WARS2: variants seen among roughly 807,000 people sequenced by gnomAD.
WARS2 encodes tryptophan--tRNA ligase, mitochondrial.
WARS2 carries 28 observed loss-of-function variants against 36.5 expected under a neutral mutation model. The ratio of observed to expected loss-of-function variants is 0.77; its 90% CI spans 0.57 to 1.05. The LOEUF (loss-of-function observed/expected upper bound fraction) is 1.05, where lower values mean the gene tolerates loss of function less well. WARS2 is among the 50% of genes least tolerant of loss of function. The pLI is 0.00. For synonymous variants in WARS2, 174 were observed against 178.4 expected, an observed-to-expected ratio of 0.98 and a Z score of 0.20; for missense variants, 435 against 456.8, an observed-to-expected ratio of 0.95 and a Z score of 0.44.
chr1:119,047,237 G>A (rs954041611), intron 2 of WARS2, among the ~76,000 whole-genome samples: 2 of 152,182 alleles, frequency 1.3e-5, no homozygotes, highest in African/African-American at 4.8e-5. Flanking sequence ...CCCATTAGAA[G>A]TAATAAAACA....
At chr1:119,081,276 C>T (rs1652173581) in intron 1 of WARS2, among the ~76,000 whole-genome samples, 1 of 152,136 alleles carries the variant, frequency 6.6e-6, no homozygotes. Flanking sequence ...TTAATTATGG[C>T]AAAAGAATTT....
At chr1:119,138,054 T>C (rs2101587874) in intron 1 of WARS2, among the ~76,000 whole-genome samples, 1 of 152,304 alleles carries the variant, frequency 6.6e-6, no homozygotes, top group South Asian at 2.1e-4. Context: ...TAATAAAAAC[T>C]AACTTGGCTA....
At chr1:119,040,164 A>G (rs571392567) in intron 4 of WARS2, among the ~76,000 whole-genome samples, 2 of 152,350 alleles carry the variant, frequency 1.3e-5, no homozygotes, top group East Asian at 3.9e-4. Flanking sequence ...CAAATACAAA[A>G]TGTACATTAG....
At chr1:119,097,880 A>G (rs1334277739) in intron 1 of WARS2, among the ~76,000 whole-genome samples, 1 of 152,196 alleles carries the variant, frequency 6.6e-6, no homozygotes, top group Admixed American at 6.5e-5. Context: ...GGATGAAGAT[A>G]GAGGCAGGCC....
chr1:119,073,620 C>T (rs1014688395), intron 2 of WARS2, among the ~76,000 whole-genome samples: 1 of 152,174 alleles, frequency 6.6e-6, no homozygotes, highest in African/African-American at 2.4e-5. Context: ...ACATACCAGT[C>T]AAGTCTGTCC....
chr1:119,042,783 T>C (rs1648482621), intron 3 of WARS2, among the ~76,000 whole-genome samples: 1 of 152,152 alleles, frequency 6.6e-6, no homozygotes, highest in Non-Finnish European at 1.5e-5. Flanking sequence ...TCTCACAGCA[T>C]GCCACTGAGA....
chr1:119,101,205 C>T (rs1206002167), intron 1 of WARS2, among the ~76,000 whole-genome samples: 2 of 151,972 alleles, frequency 1.3e-5, no homozygotes, highest in African/African-American at 4.8e-5. Flanking sequence ...GATGGACACC[C>T]TAAGTACCCT....
At chr1:119,061,765 A>G (rs1174072468) in intron 2 of WARS2, among the ~76,000 whole-genome samples, 1 of 152,116 alleles carries the variant, frequency 6.6e-6, no homozygotes, top group African/African-American at 2.4e-5. Context: ...TAGCCAACTG[A>G]GTAAGCAGGT....
intron 2 of WARS2, among the ~76,000 whole-genome samples, chr1:119,065,634 CAAAAAA>C (rs55857499): frequency 7.7e-5 from 7 of 91,430 alleles, no homozygotes; most frequent in Non-Finnish European, 1.6e-4. Flanking sequence ...GACTCTGTCT[CAAAAAA>C]AAAAAAAAAA....
At chr1:119,069,730 G>A (rs1557958461) in intron 2 of WARS2, among the ~76,000 whole-genome samples, 1 of 152,350 alleles carries the variant, frequency 6.6e-6, no homozygotes, top group East Asian at 1.9e-4. Flanking sequence ...GAGGGCAGGA[G>A]AGAGACGCTG....
intron 1 of WARS2, among the ~76,000 whole-genome samples, chr1:119,088,154 C>A (rs1435747222): frequency 6.6e-6 from 1 of 152,116 alleles, no homozygotes; most frequent in African/African-American, 2.4e-5. Context: ...AAATGAGGTA[C>A]AGATAAAAAC....
At chr1:119,140,252 C>A (rs188159296) in intron 1 of WARS2, 32 of 296,228 alleles carry the variant, frequency 1.1e-4, no homozygotes, top group African/African-American at 4.3e-4. Flanking sequence ...AAACATCACA[C>A]GCGGGGTAGG....
At chr1:119,133,156 A>G (rs971466241) in intron 1 of WARS2, among the ~76,000 whole-genome samples, 1 of 152,214 alleles carries the variant, frequency 6.6e-6, no homozygotes, top group Non-Finnish European at 1.5e-5. Context: ...TCATGTGTTA[A>G]AAGCCCTTAT....
At chr1:119,108,015 C>G (rs1434673711) in intron 1 of WARS2, among the ~76,000 whole-genome samples, 1 of 151,968 alleles carries the variant, frequency 6.6e-6, no homozygotes, top group African/African-American at 2.4e-5. Flanking sequence ...CCTCACATAC[C>G]TGATATAAAT....
chr1:119,118,726 A>G (rs1185530197), intron 1 of WARS2, among the ~76,000 whole-genome samples: 3 of 152,234 alleles, frequency 2.0e-5, no homozygotes, highest in African/African-American at 7.2e-5. Context: ...GATTAACAGC[A>G]GATTTCTCAG....
At chr1:119,127,823 T>A (rs587597092) in intron 1 of WARS2, among the ~76,000 whole-genome samples, 88 of 152,310 alleles carry the variant, frequency 5.8e-4, no homozygotes, top group African/African-American at 2.0e-3. Flanking sequence ...TATCTTTACT[T>A]GCTCTAATGG....
chr1:119,038,856 A>G (rs1413248987), intron 4 of WARS2, among the ~76,000 whole-genome samples: 2 of 151,848 alleles, frequency 1.3e-5, no homozygotes, highest in Non-Finnish European at 2.9e-5. Context: ...AATTTTTTGT[A>G]TTTTAAGTAG....
At chr1:119,131,952 A>T (rs1459702723) in intron 1 of WARS2, among the ~76,000 whole-genome samples, 1 of 152,076 alleles carries the variant, frequency 6.6e-6, no homozygotes, top group Non-Finnish European at 1.5e-5. Context: ...ACTAAGAGTG[A>T]TAAGAGTAAA....
intron 1 of WARS2, chr1:119,085,421 C>T (rs1652566318): frequency 2.0e-6 from 3 of 1,473,636 alleles, no homozygotes; most frequent in Non-Finnish European, 2.8e-6. Flanking sequence ...AGGATGGTTG[C>T]TCTGCCTGTA....
Sources: gnomAD v4.1 joint callset for allele counts (sites outside exome capture counted in the v4.1 genomes callset) on GRCh38, gnomAD v4.1.1 for gene constraint, MANE v1.5 for transcripts, NCBI Gene and HGNC (gene_info 2026-07-23, HGNC 2026-07-21) for gene names.